Variants in FSTL5 observed in about 807,000 individuals in gnomAD.
The protein encoded by FSTL5 is follistatin-related protein 5.
FSTL5 carries 62 observed loss-of-function variants against 89.1 expected under a neutral mutation model. The observed-to-expected ratio is 0.70, with a 90% CI of 0.57 to 0.86. FSTL5 has a LOEUF of 0.86. Among genes scored for constraint, FSTL5 ranks in the 40% least tolerant of loss-of-function variants. The pLI is 0.00. For synonymous variants in FSTL5, 383 were observed against 346.2 expected (o/e 1.11, Z -1.18); for missense variants, 1,057 against 1,001.6 (o/e 1.06, Z -0.75).
At chr4:161,894,477 TA>T (rs1381898249) in intron 4 of FSTL5, among the ~76,000 whole-genome samples, 1 of 151,976 alleles carries the variant, frequency 6.6e-6, no homozygotes, top group African/African-American at 2.4e-5. Flanking sequence ...TCTCTATATA[TA>T]TCTTTTTTCT....
intron 3 of FSTL5, among the ~76,000 whole-genome samples, chr4:161,923,562 A>C (rs1204209643): frequency 1.3e-5 from 2 of 151,832 alleles, no homozygotes; most frequent in African/African-American, 4.8e-5. Flanking sequence ...TTTTCCATCA[A>C]ATAATGAGTT....
At chr4:161,977,135 G>C (rs1302237294) in intron 3 of FSTL5, among the ~76,000 whole-genome samples, 2 of 152,134 alleles carry the variant, frequency 1.3e-5, no homozygotes, top group Non-Finnish European at 2.9e-5. Flanking sequence ...TGCCTGAGAA[G>C]AAATGGGACA....
chr4:161,597,766 T>C (rs189734537), intron 7 of FSTL5, among the ~76,000 whole-genome samples: 4 of 151,952 alleles, frequency 2.6e-5, no homozygotes, highest in Non-Finnish European at 5.9e-5. Flanking sequence ...TATGGAGTGT[T>C]TATAGGTTAT....
At chr4:161,435,329 A>T (rs563387289) in intron 15 of FSTL5, among the ~76,000 whole-genome samples, 50 of 152,288 alleles carry the variant, frequency 3.3e-4, no homozygotes, top group Non-Finnish European at 4.4e-5. Flanking sequence ...ACAGAAAGAC[A>T]AACATCACAT....
chr4:161,949,449 T>C lies in FSTL5; in HGVS notation c.161-28797A>G, dbSNP rs190170634. On this transcript the variant is annotated intron_variant, in intron 3 of 15. Transcript: ENST00000306100. ...TTACTTTAACATACCTAAGTGTGGC[T>C]TTCTTTTTTATTTTCTTCTGTATAG... is the stretch of plus-strand genomic sequence containing the variant. 2.0e-3 allele frequency among the ~76,000 whole-genome samples: 310 copies of C among 152,206 alleles called. 1 individual carries two copies. Among genetic ancestry groups the C allele is most frequent in the African/African-American group, 7.0e-3 (293 of 41,576 alleles).
chr4:161,875,732 C>CTTTCCTTT (rs1327230877), intron 4 of FSTL5, among the ~76,000 whole-genome samples: 7 of 152,150 alleles, frequency 4.6e-5, no homozygotes, highest in African/African-American at 1.7e-4. Context: ...TTTTATGTGG[C>CTTTCCTTT]TTTCCTTTTT....
chr4:161,916,080 T>A (rs552570110), intron 4 of FSTL5, among the ~76,000 whole-genome samples: 22 of 152,140 alleles, frequency 1.4e-4, no homozygotes, highest in Non-Finnish European at 3.1e-4. Flanking sequence ...CAAAAGTCTG[T>A]TCAGATTATG....
intron 13 of FSTL5, among the ~76,000 whole-genome samples, chr4:161,466,801 G>GAAAAGTA: frequency 6.6e-6 from 1 of 152,134 alleles, no homozygotes; most frequent in East Asian, 1.9e-4. Context: ...CTTTTTAGCT[G>GAAAAGTA]CAGATAAAAA....
chr4:161,407,510 G>A (rs1731427679), intron 15 of FSTL5, among the ~76,000 whole-genome samples: 1 of 152,176 alleles, frequency 6.6e-6, no homozygotes, highest in African/African-American at 2.4e-5. Flanking sequence ...GGTGAGTGAA[G>A]GAAATGGAGG....
At chr4:161,963,771 A>G (rs567111067) in intron 3 of FSTL5, among the ~76,000 whole-genome samples, 1 of 152,066 alleles carries the variant, frequency 6.6e-6, no homozygotes, top group African/African-American at 2.4e-5. Context: ...TATAAATATG[A>G]CACTATGCTG....
intron 4 of FSTL5, among the ~76,000 whole-genome samples, chr4:161,828,351 A>G (rs955342526): frequency 6.6e-6 from 1 of 152,088 alleles, no homozygotes; most frequent in Non-Finnish European, 1.5e-5. Context: ...TCCTTCAAAG[A>G]GTCTGTGGAT....
intron 6 of FSTL5, among the ~76,000 whole-genome samples, chr4:161,732,831 A>G (rs1397676607): frequency 2.0e-5 from 3 of 151,164 alleles, no homozygotes; most frequent in African/African-American, 7.3e-5. Flanking sequence ...ATGACTCTTT[A>G]GTCTCTTCTA....
intron 4 of FSTL5, among the ~76,000 whole-genome samples, chr4:161,857,857 A>G (rs1731769841): frequency 6.6e-6 from 1 of 151,960 alleles, no homozygotes; most frequent in Admixed American, 6.6e-5. Context: ...TCATCACCTT[A>G]TGCTTTTCCC....
At chr4:161,781,330 TA>T (rs34230798) in intron 4 of FSTL5, among the ~76,000 whole-genome samples, 22,603 of 149,172 alleles carry the variant, frequency 0.15, 3,337 homozygotes, top group African/African-American at 0.38. Context: ...TGAACATAAT[TA>T]AAAAAAAAAA....
chr4:161,581,216 A>T (rs186282837), intron 8 of FSTL5, among the ~76,000 whole-genome samples: 1 of 152,332 alleles, frequency 6.6e-6, no homozygotes, highest in Non-Finnish European at 1.5e-5. Context: ...TCTATGCCCT[A>T]CTTAGAGCTT....
intron 3 of FSTL5, among the ~76,000 whole-genome samples, chr4:161,937,293 C>A (rs2110912577): frequency 6.6e-6 from 1 of 152,056 alleles, no homozygotes. Context: ...GACATCACTT[C>A]CAGAATTCCA....
At chr4:161,737,499 T>A (rs1407354128) in intron 6 of FSTL5, among the ~76,000 whole-genome samples, 15 of 152,068 alleles carry the variant, frequency 9.9e-5, no homozygotes, top group Admixed American at 9.2e-4. Flanking sequence ...ATAACTTTAT[T>A]CTGCAAGAAT....
chr4:161,623,956 C>T (rs953085715), intron 7 of FSTL5, among the ~76,000 whole-genome samples: 7 of 151,798 alleles, frequency 4.6e-5, no homozygotes, highest in African/African-American at 1.7e-4. Context: ...TAGTTCTTAG[C>T]AGTTAAATTT....
chr4:161,659,668 TAA>T (rs1736639249), intron 6 of FSTL5, among the ~76,000 whole-genome samples: 1 of 152,182 alleles, frequency 6.6e-6, no homozygotes, highest in Admixed American at 6.5e-5. Context: ...TAATCCAATT[TAA>T]AAACGATTTT....
Sources: gnomAD v4.1 joint callset for allele counts (sites outside exome capture counted in the v4.1 genomes callset) on GRCh38, gnomAD v4.1.1 for gene constraint, MANE v1.5 for transcripts, NCBI Gene and HGNC (gene_info 2026-07-23, HGNC 2026-07-21) for gene names.